CREB5: variants seen among roughly 807,000 people sequenced by gnomAD.
CREB5 encodes cyclic AMP-responsive element-binding protein 5.
A neutral mutation model predicts 57.1 loss-of-function variants in CREB5; 19 were observed. That is an observed-to-expected ratio of 0.33 (90% CI 0.23 to 0.49). The LOEUF is 0.49. Ranked by LOEUF, CREB5 falls within the 20% of genes least tolerant of loss-of-function variation. CREB5 has a pLI of 0.99. For synonymous variants in CREB5, 238 were observed against 238.3 expected, an observed-to-expected ratio of 1.00 and a Z score of 0.01; for missense variants, 579 against 671.6, an observed-to-expected ratio of 0.86 and a Z score of 1.52.
At chr7:28,658,511 T>C (rs1359831826) in intron 5 of CREB5, among the ~76,000 whole-genome samples, 9 of 152,160 alleles carry the variant, frequency 5.9e-5, no homozygotes, top group Non-Finnish European at 1.2e-4. Flanking sequence ...ATTATCTTCA[T>C]TGCAAGAGAA....
chr7:28,529,454 T>A (rs1412781056), intron 4 of CREB5, among the ~76,000 whole-genome samples: 2 of 152,154 alleles, frequency 1.3e-5, no homozygotes, highest in African/African-American at 4.8e-5. Context: ...TTATCAAAAA[T>A]TTTTCCATGA....
At chr7:28,552,478 A>G (rs574535509) in intron 4 of CREB5, among the ~76,000 whole-genome samples, 157 of 152,346 alleles carry the variant, frequency 1.0e-3, no homozygotes, top group Middle Eastern at 6.8e-3. Context: ...GAGGAGGGAC[A>G]GTAACTGTGA....
At chr7:28,637,926 G>A (rs917573943) in intron 5 of CREB5, among the ~76,000 whole-genome samples, 3 of 152,208 alleles carry the variant, frequency 2.0e-5, no homozygotes, top group African/African-American at 7.2e-5. Context: ...AAGGAATTCA[G>A]ACAGCTCAGT....
intron 5 of CREB5, among the ~76,000 whole-genome samples, chr7:28,648,861 G>A (rs1484573071): frequency 1.3e-5 from 2 of 152,076 alleles, no homozygotes; most frequent in African/African-American, 4.8e-5. Context: ...CCAAACCAAA[G>A]GAAGCCTGTG....
intron 1 of CREB5, among the ~76,000 whole-genome samples, chr7:28,424,279 G>T (rs187008209): frequency 7.4e-4 from 112 of 152,300 alleles, no homozygotes; most frequent in Non-Finnish European, 8.8e-5. Flanking sequence ...TCTCCTTTCA[G>T]GAAAACACAA....
intron 5 of CREB5, among the ~76,000 whole-genome samples, chr7:28,584,694 G>C (rs1025612862): frequency 1.3e-5 from 2 of 151,910 alleles, no homozygotes; most frequent in Non-Finnish European, 2.9e-5. Context: ...CCAGTTTGTG[G>C]TAATTTGTGA....
intron 3 of CREB5, among the ~76,000 whole-genome samples, chr7:28,495,296 G>C (rs926292402): frequency 6.6e-6 from 1 of 152,104 alleles, no homozygotes; most frequent in Non-Finnish European, 1.5e-5. Flanking sequence ...CCAGCAGTTT[G>C]GGAGGCTGAG....
chr7:28,464,169 G>C (rs947936131), intron 1 of CREB5, among the ~76,000 whole-genome samples: 1 of 152,018 alleles, frequency 6.6e-6, no homozygotes, highest in Admixed American at 6.6e-5. Context: ...TTGTATTTCT[G>C]GGATGAATCC....
chr7:28,481,326 A>G (rs957652293), intron 1 of CREB5, among the ~76,000 whole-genome samples: 1 of 152,214 alleles, frequency 6.6e-6, no homozygotes, highest in Non-Finnish European at 1.5e-5. Flanking sequence ...AGGGGATGGC[A>G]AATATCTTTG....
Position 28,825,314 on chromosome 7 carries a change from G to T in CREB5, c.*6035G>T, listed in dbSNP as rs967789709. 3 of 152,306 alleles carry T rather than the reference G, an allele frequency of 2.0e-5. No individual in the cohort carries two copies. The highest frequency in any genetic ancestry group is 2.9e-5 in the Non-Finnish European group (2 of 68,032). 9.4% of individuals were successfully genotyped at this position (152,306 alleles called of 1,614,324 possible). On this transcript the variant is annotated 3_prime_UTR_variant, in exon 11 of 11. Transcript: ENST00000357727. ...TGCTAAATCACATCTGCCTCATAGA[G>T]AAAGGAATGTTGCCTTTGAGAACTG...
At chr7:28,530,396 AG>A (rs1167900103) in intron 4 of CREB5, among the ~76,000 whole-genome samples, 1 of 152,168 alleles carries the variant, frequency 6.6e-6, no homozygotes, top group Non-Finnish European at 1.5e-5. Context: ...CGAGCTGCTC[AG>A]GGGCAGCTTG....
At chr7:28,431,981 C>CATTTTTTTT (rs142344867) in intron 1 of CREB5, among the ~76,000 whole-genome samples, 1 of 137,932 alleles carries the variant, frequency 7.2e-6, no homozygotes. Flanking sequence ...AACAGCTATG[C>CATTTTTTTT]CTTTTTTTTT....
At chr7:28,304,616 C>A (rs143506367) in intron 1 of CREB5, among the ~76,000 whole-genome samples, 1 of 152,220 alleles carries the variant, frequency 6.6e-6, no homozygotes, top group African/African-American at 2.4e-5. Flanking sequence ...CAATGAGAGG[C>A]ATGCATAAAG....
At chr7:28,735,275 C>G (rs1803909113) in intron 7 of CREB5, among the ~76,000 whole-genome samples, 1 of 152,158 alleles carries the variant, frequency 6.6e-6, no homozygotes, top group African/African-American at 2.4e-5. Flanking sequence ...GATTATTACT[C>G]TGGCTCTTTC....
In CREB5 at chr7:28,363,083, T is replaced by C. The variant is rs542870683; in HGVS notation, c.-25+63642T>C. ...CTAGAAGCAGCCATTGTGTATCACT[T>C]TGGGTCCATTTAAAAAAGGAAAGAA... On this transcript the variant is annotated intron_variant, in intron 1 of 9. Transcript: ENST00000396299. 1.3e-4 allele frequency among the ~76,000 whole-genome samples: 20 copies of C among 152,262 alleles called. No individual in the cohort carries two copies. The South Asian group carries it at 4.1e-3, about 32-fold the overall frequency.
rs545595415 is a variant in CREB5, at chr7:28,630,488, G to A, written c.464+59951G>A. 1.1e-4 allele frequency among the ~76,000 whole-genome samples: 17 copies of A among 152,202 alleles called. No homozygotes were observed. The South Asian group carries it at 2.1e-3, about 19-fold the overall frequency. ...TGGAAACCCATGAATACTTGAGACCGAGTGCTGAAAAAAACATATGTTTTT... is the reference window on the plus strand; with the variant it reads ...TGGAAACCCATGAATACTTGAGACCAAGTGCTGAAAAAAACATATGTTTTT... On this transcript the variant is annotated intron_variant, in intron 5 of 10. Coordinates refer to ENST00000357727, the MANE Select transcript of CREB5 (RefSeq NM_182898.4).
intron 1 of CREB5, among the ~76,000 whole-genome samples, chr7:28,454,244 C>T (rs1437225484): frequency 3.9e-5 from 6 of 152,160 alleles, no homozygotes; most frequent in Admixed American, 6.5e-5. Flanking sequence ...TGAGCCACCA[C>T]GCGCGGCTCC....
In CREB5 at chr7:28,819,376, T is replaced by C. The variant is rs187177430; in HGVS notation, c.*97T>C. The C allele has an allele frequency of 6.3e-5, 76 of 1,210,652 alleles. No homozygotes were observed. Among genetic ancestry groups the C allele is most frequent in the Admixed American group, 3.4e-4 (13 of 38,530 alleles). 75.0% of individuals were successfully genotyped at this position (1,210,652 alleles called of 1,614,324 possible). ...TAGAATTAACTCAGACCTGGAAGAC[T>C]CCTCAGTTCTTCAAAGACTGGCTTT... is the stretch of plus-strand genomic sequence containing the variant. On this transcript the variant is annotated 3_prime_UTR_variant, in exon 11 of 11. Coordinates refer to ENST00000357727, the MANE Select transcript of CREB5 (RefSeq NM_182898.4).
chr7:28,382,862 T>G (rs975328896), intron 1 of CREB5, among the ~76,000 whole-genome samples: 2 of 151,980 alleles, frequency 1.3e-5, no homozygotes, highest in Non-Finnish European at 2.9e-5. Flanking sequence ...GCTTTGTCCC[T>G]TTCTCCCAAG....
Sources: allele counts gnomAD v4.1 joint callset (sites outside exome capture counted in the v4.1 genomes callset), GRCh38; gene constraint gnomAD v4.1.1; transcripts MANE v1.5; gene names NCBI Gene and HGNC (gene_info 2026-07-23, HGNC 2026-07-21).